Variants in LRRC4C observed in about 807,000 individuals in gnomAD.
The protein encoded by LRRC4C is leucine rich repeat containing 4C, also known as leucine-rich repeat-containing protein 4C.
LRRC4C carries 5 observed loss-of-function variants against 33.6 expected under a neutral mutation model. The ratio of observed to expected loss-of-function variants is 0.15; its 90% CI spans 0.08 to 0.31. The LOEUF is 0.31. Among genes scored for constraint, LRRC4C ranks in the 10% least tolerant of loss-of-function variants. LRRC4C has a pLI of 1.00. For synonymous variants in LRRC4C, 329 were observed against 302.0 expected (o/e 1.09, Z -0.93); for missense variants, 560 against 796.7 (o/e 0.70, Z 3.58).
At chr11:41,073,244 C>T (rs1194807967) in intron 1 of LRRC4C, among the ~76,000 whole-genome samples, 1 of 152,074 alleles carries the variant, frequency 6.6e-6, no homozygotes, top group Non-Finnish European at 1.5e-5. Context: ...CCTCAGGATG[C>T]TCCCACTCAC....
At chr11:40,838,208 A>C (rs1318430580) in intron 2 of LRRC4C, among the ~76,000 whole-genome samples, 1 of 152,182 alleles carries the variant, frequency 6.6e-6, no homozygotes, top group Non-Finnish European at 1.5e-5. Flanking sequence ...TGAAAATGTA[A>C]GTGAGAGAGA....
chr11:41,380,555 A>T (rs898428319), intron 1 of LRRC4C, among the ~76,000 whole-genome samples: 1 of 152,196 alleles, frequency 6.6e-6, no homozygotes, highest in African/African-American at 2.4e-5. Context: ...TCTTAAAAAT[A>T]TAAAAGAAAA....
At chr11:40,341,998 C>CAAA (rs55668275) in intron 3 of LRRC4C, among the ~76,000 whole-genome samples, 32 of 142,164 alleles carry the variant, frequency 2.3e-4, no homozygotes, top group African/African-American at 6.7e-4. Flanking sequence ...GCACTTTTCT[C>CAAA]AAAAAAAAAA....
chr11:41,428,496 A>C (rs1955121095), intron 1 of LRRC4C, among the ~76,000 whole-genome samples: 1 of 152,134 alleles, frequency 6.6e-6, no homozygotes, highest in African/African-American at 2.4e-5. Flanking sequence ...TGGAGTTTCA[A>C]CTTTCTGCCT....
chr11:40,781,995 T>C (rs1217973899), intron 2 of LRRC4C, among the ~76,000 whole-genome samples: 1 of 152,224 alleles, frequency 6.6e-6, no homozygotes, highest in African/African-American at 2.4e-5. Flanking sequence ...ATTAGCTTTC[T>C]GCCCCCTTTA....
intron 1 of LRRC4C, among the ~76,000 whole-genome samples, chr11:41,319,758 C>T (rs1950901815): frequency 6.6e-6 from 1 of 152,034 alleles, no homozygotes; most frequent in African/African-American, 2.4e-5. Context: ...CCTATGTTGC[C>T]AAGGCTGGTC....
At chr11:40,990,234 TATATA>T (rs1565277594) in intron 1 of LRRC4C, among the ~76,000 whole-genome samples, 1 of 28,102 alleles carries the variant, frequency 3.6e-5, no homozygotes, top group Non-Finnish European at 7.5e-5. Context: ...TCAAGTTTTA[TATATA>T]TATATATATA....
intron 2 of LRRC4C, among the ~76,000 whole-genome samples, chr11:40,861,474 T>C (rs12284722): frequency 0.05 from 7,594 of 152,204 alleles, 492 homozygotes; most frequent in African/African-American, 0.15. Flanking sequence ...ACCAAAAACT[T>C]GCATTATGGA....
rs543884530 is a variant in LRRC4C at position 41,416,251 on chromosome 11, G to A, written c.-496+43180C>T. Among the ~76,000 whole-genome samples the A allele has an allele frequency of 9.2e-5, 14 of 152,092 alleles. No homozygotes were observed. The South Asian group carries it at 2.1e-3, about 23-fold the overall frequency. On this transcript the variant is annotated intron_variant, in intron 1 of 6. Coordinates refer to ENST00000528697, the MANE Select transcript of LRRC4C (RefSeq NM_001258419.2). ...TCCACCCCTACTCACACTTCCCACC[G>A]TTTTACATGGGAGCTAGGCTATTTT...
At chr11:41,358,909 A>T (rs1199822493) in intron 1 of LRRC4C, among the ~76,000 whole-genome samples, 1 of 152,210 alleles carries the variant, frequency 6.6e-6, no homozygotes, top group African/African-American at 2.4e-5. Context: ...ATTCACACAA[A>T]GATCTGCATA....
chr11:41,332,114 C>T (rs1272520115), intron 1 of LRRC4C, among the ~76,000 whole-genome samples: 1 of 152,086 alleles, frequency 6.6e-6, no homozygotes, highest in Admixed American at 6.6e-5. Flanking sequence ...AGAACAGTAC[C>T]TTTCACAGAG....
At chr11:41,250,334 T>A (rs1209055277) in intron 1 of LRRC4C, among the ~76,000 whole-genome samples, 1 of 152,230 alleles carries the variant, frequency 6.6e-6, no homozygotes. Flanking sequence ...TCATTAGGAA[T>A]GATACATCTT....
intron 1 of LRRC4C, among the ~76,000 whole-genome samples, chr11:41,036,400 C>T (rs1303354491): frequency 6.6e-6 from 1 of 151,744 alleles, no homozygotes; most frequent in Non-Finnish European, 1.5e-5. Context: ...CACTTTCTTC[C>T]TTTCTCTCAG....
At chr11:40,694,174 T>C (rs1049515784) in intron 2 of LRRC4C, among the ~76,000 whole-genome samples, 1 of 152,234 alleles carries the variant, frequency 6.6e-6, no homozygotes, top group East Asian at 1.9e-4. Flanking sequence ...TTAATACCAA[T>C]AGGTCTTTAT....
At chr11:41,249,134 A>G (rs1005577175) in intron 1 of LRRC4C, among the ~76,000 whole-genome samples, 2 of 151,448 alleles carry the variant, frequency 1.3e-5, no homozygotes, top group African/African-American at 4.9e-5. Context: ...TCCCGGATTC[A>G]TGCCATTCTC....
At chr11:41,106,450 GAA>G (rs34895102) in intron 1 of LRRC4C, among the ~76,000 whole-genome samples, 23 of 146,718 alleles carry the variant, frequency 1.6e-4, no homozygotes, top group Middle Eastern at 3.5e-3. Context: ...ATTTATCTAT[GAA>G]AAAAAAAAAA....
intron 1 of LRRC4C, among the ~76,000 whole-genome samples, chr11:41,155,309 A>G (rs1216537338): frequency 4.6e-5 from 7 of 152,272 alleles, no homozygotes; most frequent in African/African-American, 1.7e-4. Context: ...GCTGGAAACA[A>G]GGAGACTTCA....
At chr11:40,576,614 A>G (rs978035374) in intron 3 of LRRC4C, among the ~76,000 whole-genome samples, 1 of 152,096 alleles carries the variant, frequency 6.6e-6, no homozygotes, top group African/African-American at 2.4e-5. Flanking sequence ...GTTTTAAAGT[A>G]CATCTGTCTA....
chr11:40,468,165 C>T (rs932759202), intron 3 of LRRC4C, among the ~76,000 whole-genome samples: 1 of 152,074 alleles, frequency 6.6e-6, no homozygotes, highest in African/African-American at 2.4e-5. Flanking sequence ...AATTAGAGTT[C>T]TCCAGAGAAA....
Sources: gnomAD v4.1 joint callset for allele counts (sites outside exome capture counted in the v4.1 genomes callset) on GRCh38, gnomAD v4.1.1 for gene constraint, MANE v1.5 for transcripts, NCBI Gene and HGNC (gene_info 2026-07-23, HGNC 2026-07-21) for gene names.